Variants in PLCL1 observed in about 807,000 individuals in gnomAD.
PLCL1 encodes phospholipase C like 1 (inactive), also known as inactive phospholipase C-like protein 1.
PLCL1 carries 41 observed loss-of-function variants against 84.4 expected under a neutral mutation model. That is an observed-to-expected ratio of 0.49 (90% CI 0.38 to 0.63). The LOEUF (loss-of-function observed/expected upper bound fraction) is 0.63. PLCL1 is among the 30% of genes least tolerant of loss of function. The probability of loss-of-function intolerance (pLI) is 0.00; values close to 1 mark genes in which losing one functional copy is unlikely to be tolerated. For synonymous variants in PLCL1, 490 were observed against 488.3 expected (o/e 1.00, Z -0.05); for missense variants, 1,206 against 1,367.8 (o/e 0.88, Z 1.87).
chr2:198,112,099 A>G (rs1389183341), intron 5 of PLCL1, among the ~76,000 whole-genome samples: 1 of 151,946 alleles, frequency 6.6e-6, no homozygotes, highest in African/African-American at 2.4e-5. Flanking sequence ...AGTGGAAAAT[A>G]GAATGAATTG....
intron 1 of PLCL1, among the ~76,000 whole-genome samples, chr2:197,879,972 C>T (rs566907370): frequency 3.9e-4 from 60 of 152,228 alleles, no homozygotes; most frequent in South Asian, 1.0e-3. Context: ...TAACTTGGAA[C>T]GATTATATTT....
At chr2:197,836,446 C>CAAAAAAAAA (rs35510400) in intron 1 of PLCL1, among the ~76,000 whole-genome samples, 2 of 34,546 alleles carry the variant, frequency 5.8e-5, no homozygotes, top group African/African-American at 1.0e-4. Context: ...GACTCCGTCT[C>CAAAAAAAAA]AAAAAAAAAA....
intron 5 of PLCL1, among the ~76,000 whole-genome samples, chr2:198,143,996 T>C (rs1175320922): frequency 6.6e-6 from 1 of 152,114 alleles, no homozygotes; most frequent in African/African-American, 2.4e-5. Flanking sequence ...GTACAAACTG[T>C]TTCCTCCCAT....
At chr2:197,827,935 C>T (rs1313983764) in intron 1 of PLCL1, among the ~76,000 whole-genome samples, 2 of 149,340 alleles carry the variant, frequency 1.3e-5, no homozygotes, top group South Asian at 2.1e-4. Flanking sequence ...GTCTATGTTT[C>T]TATTACTCTC....
At chr2:197,841,314 T>C (rs1686998919) in intron 1 of PLCL1, among the ~76,000 whole-genome samples, 1 of 152,196 alleles carries the variant, frequency 6.6e-6, no homozygotes, top group Admixed American at 6.5e-5. Flanking sequence ...TATGTATCTA[T>C]CATTATAGCA....
At chr2:197,975,236 A>G (rs1689954536) in intron 1 of PLCL1, among the ~76,000 whole-genome samples, 2 of 151,144 alleles carry the variant, frequency 1.3e-5, no homozygotes, top group Admixed American at 6.6e-5. Flanking sequence ...GTTGTTTTGC[A>G]TAGATTATCT....
chr2:198,075,142 G>A lies in PLCL1; in HGVS notation c.241-8616G>A, dbSNP rs184694479. On this transcript the variant is annotated intron_variant, in intron 1 of 5. Transcript: ENST00000428675. ...ACACCAGAAACAACAGTCAGTGCTG[G>A]CATAAGCTCCGCCAGGATTCCTGGG... 6.8e-4 allele frequency among the ~76,000 whole-genome samples: 104 copies of A among 152,298 alleles called. 3 individuals carry two copies. The South Asian group carries it at 0.013, about 20-fold the overall frequency.
chr2:197,992,995 T>C (rs1644071648), intron 1 of PLCL1, among the ~76,000 whole-genome samples: 1 of 152,188 alleles, frequency 6.6e-6, no homozygotes, highest in East Asian at 1.9e-4. Flanking sequence ...TCTGTTTGAG[T>C]CCCTGTTTTC....
intron 1 of PLCL1, among the ~76,000 whole-genome samples, chr2:198,036,227 T>G: frequency 6.6e-6 from 1 of 152,198 alleles, no homozygotes; most frequent in East Asian, 1.9e-4. Flanking sequence ...AAATCTGTTC[T>G]TAAGCTGGGC....
At chr2:197,923,166 G>A (rs1219454414) in intron 1 of PLCL1, among the ~76,000 whole-genome samples, 3 of 138,806 alleles carry the variant, frequency 2.2e-5, no homozygotes, top group South Asian at 2.4e-4. Flanking sequence ...GGGCAGAGGC[G>A]CCCCTCACCT....
At chr2:198,057,720 G>A (rs923938078) in intron 1 of PLCL1, among the ~76,000 whole-genome samples, 2 of 152,156 alleles carry the variant, frequency 1.3e-5, no homozygotes, top group Admixed American at 6.5e-5. Flanking sequence ...ATGATGCATG[G>A]AACTCCAAGT....
At chr2:198,001,827 C>T (rs1690607260) in intron 1 of PLCL1, 2 of 184,900 alleles carry the variant, frequency 1.1e-5, no homozygotes, top group East Asian at 1.4e-4. Context: ...AGATCAGTGG[C>T]GGCATTAGAT....
chr2:198,146,305 T>C (rs1574345671), intron 5 of PLCL1, among the ~76,000 whole-genome samples: 2 of 152,150 alleles, frequency 1.3e-5, no homozygotes, highest in South Asian at 4.1e-4. Flanking sequence ...AGCATAAGGG[T>C]ATGTGACTTA....
intron 3 of PLCL1, among the ~76,000 whole-genome samples, chr2:198,099,792 A>C (rs917015515): frequency 6.6e-6 from 1 of 152,186 alleles, no homozygotes; most frequent in Non-Finnish European, 1.5e-5. Context: ...AACTTGAACT[A>C]TAAGGTTTTG....
intron 1 of PLCL1, among the ~76,000 whole-genome samples, chr2:198,014,011 C>T (rs1413813879): frequency 6.6e-6 from 1 of 152,034 alleles, no homozygotes; most frequent in African/African-American, 2.4e-5. Flanking sequence ...CTGTTTCAAC[C>T]TGTGTGTCAT....
At chr2:197,929,843 C>T (rs1050654793) in intron 1 of PLCL1, among the ~76,000 whole-genome samples, 5 of 152,108 alleles carry the variant, frequency 3.3e-5, no homozygotes, top group African/African-American at 1.2e-4. Context: ...TCTACTCTAT[C>T]AGTGTGAGGT....
chr2:197,909,208 C>T (rs1688439331), intron 1 of PLCL1, among the ~76,000 whole-genome samples: 1 of 152,162 alleles, frequency 6.6e-6, no homozygotes, highest in African/African-American at 2.4e-5. Flanking sequence ...TTGGAAGTCT[C>T]CTTTAGGTAC....
At chr2:197,905,941 A>G (rs888908894) in intron 1 of PLCL1, among the ~76,000 whole-genome samples, 9 of 152,044 alleles carry the variant, frequency 5.9e-5, no homozygotes, top group Non-Finnish European at 1.2e-4. Flanking sequence ...AATTTGTTTA[A>G]GTTCTTTGTA....
At chr2:197,983,195 CTTTTCTTTTTTT>C (rs1690149917) in intron 1 of PLCL1, among the ~76,000 whole-genome samples, 1 of 51,702 alleles carries the variant, frequency 1.9e-5, no homozygotes, top group African/African-American at 6.6e-5. Context: ...TTTTTCTTTT[CTTTTCTTTTTTT>C]TTTTTTTTTT....
Sources: allele counts gnomAD v4.1 joint callset (sites outside exome capture counted in the v4.1 genomes callset), GRCh38; gene constraint gnomAD v4.1.1; transcripts MANE v1.5; gene names NCBI Gene and HGNC (gene_info 2026-07-23, HGNC 2026-07-21).